SEMA3F: variants seen among roughly 807,000 people sequenced by gnomAD.
The protein encoded by SEMA3F is semaphorin-3F.
SEMA3F carries 30 observed loss-of-function variants against 98.5 expected under a neutral mutation model. The ratio of observed to expected loss-of-function variants is 0.30; its 90% confidence interval spans 0.23 to 0.41. The LOEUF (loss-of-function observed/expected upper bound fraction) is 0.41, where lower values mean the gene tolerates loss of function less well. Ranked by LOEUF, SEMA3F falls within the 10% of genes least tolerant of loss-of-function variation. The pLI, the probability that SEMA3F is intolerant of heterozygous loss-of-function variation, is 1.00. For missense variants in SEMA3F, 866 were observed against 1,119.3 expected, an observed-to-expected ratio of 0.77 and a Z score of 3.23; for synonymous variants, 380 against 444.8, an observed-to-expected ratio of 0.85 and a Z score of 1.83.
At chr3:50,184,562 C>A in intron 12 of SEMA3F, 30 bp from the exon 13 acceptor site, 1 of 1,580,818 alleles carries the variant, frequency 6.3e-7, no homozygotes, top group Non-Finnish European at 8.7e-7. Context: ...CCCAGGCAGC[C>A]TGGGACTGAC....
chr3:50,184,692 T>C lies in SEMA3F; in HGVS notation c.1334T>C (p.Val445Ala). ...AGCCACCCACTCATGTACCAGGCCG[T>C]GTACCCTCTGCAGCGGCGGCCCCTG... ...MRSHPLMYQA[V>A]YPLQRRPLVV... Residue 445 changes from valine (V) to alanine (A), a missense_variant, in exon 13 of 19, where the codon GTG (valine) becomes GCG (alanine). Around this residue, in one of 3 missense-constraint regions of SEMA3F, gnomAD observed 374 missense variants for 582.8 expected, o/e 0.64. Transcript: ENST00000002829. The C allele has an allele frequency of 6.2e-7, 1 of 1,614,106 alleles. No homozygotes were observed. Among genetic ancestry groups the C allele is most frequent in the South Asian group, 1.1e-5 (1 of 91,090 alleles).
chr3:50,176,654 G>T (rs1698822490), intron 6 of SEMA3F, 114 bp from the exon 7 acceptor site: 1 of 747,104 alleles, frequency 1.3e-6, no homozygotes, highest in Non-Finnish European at 2.4e-6. Flanking sequence ...GAGTGTAGGG[G>T]GTGGGCTCGG....
chr3:50,173,951 A>T lies in SEMA3F; in HGVS notation c.271A>T (p.Ile91Phe), dbSNP rs1232955150. 1 of 1,614,066 alleles carries T rather than the reference A, an allele frequency of 6.2e-7. No individual in the cohort carries two copies. Residue 91 changes from isoleucine (I) to phenylalanine (F), a missense_variant and splice_region_variant, in exon 3 of 19, where the codon ATT (isoleucine) becomes TTT (phenylalanine). Ile to Phe is a conservative substitution (Grantham distance 21). Around this residue, in one of 3 missense-constraint regions of SEMA3F, gnomAD observed 247 missense variants for 276.0 expected, o/e 0.89. Transcript: ENST00000002829. ...DLHDINREPL[I>F]IHWAASPQRI... ...GCACGACATCAACCGCGAGCCCCTC[A>T]TTGTAAGGGCTGGCCCTGATGTGGG...
Position 50,156,067 on chromosome 3 carries a change from C to T in SEMA3F, c.-49+503C>T, listed in dbSNP as rs890836123. ...CTCCCACATCAGCAGAGTGGGAGGA[C>T]CTCCAGTCCTGAGGCATTTCTCCCA... is the stretch of plus-strand genomic sequence containing the variant. On this transcript the variant is annotated intron_variant, in intron 1 of 18. Coordinates refer to ENST00000002829, the MANE Select transcript of SEMA3F (RefSeq NM_004186.5). The surrounding 1 kb of genome is among the most constrained non-coding windows in gnomAD (Gnocchi z 4.5). The T allele has an allele frequency of 6.6e-6, 1 of 152,226 alleles. No homozygotes were observed. Among genetic ancestry groups the T allele is most frequent in the Admixed American group, 6.5e-5 (1 of 15,276 alleles). 9.4% of individuals were successfully genotyped at this position (152,226 alleles called of 1,614,324 possible).
intron 7 of SEMA3F, among the ~76,000 whole-genome samples, chr3:50,181,334 C>CT (rs1302032516): frequency 6.7e-6 from 1 of 149,312 alleles, no homozygotes; most frequent in Non-Finnish European, 1.5e-5. Flanking sequence ...TTTGTTCCTG[C>CT]TTTTTGAGAC....
intron 2 of SEMA3F, among the ~76,000 whole-genome samples, chr3:50,172,487 AG>A (rs1698654705): frequency 6.6e-6 from 1 of 151,936 alleles, no homozygotes; most frequent in African/African-American, 2.4e-5. Flanking sequence ...CTTCATCCTT[AG>A]GAAGGACTTT....
At chr3:50,161,267 G>T (rs771161353) in intron 2 of SEMA3F, among the ~76,000 whole-genome samples, 1 of 152,162 alleles carries the variant, frequency 6.6e-6, no homozygotes, top group Non-Finnish European at 1.5e-5. Flanking sequence ...GGGGTCTTCC[G>T]TGTGCTCCTT....
chr3:50,182,343 C>T lies in SEMA3F; in HGVS notation c.703C>T (p.Arg235Cys), dbSNP rs753735514. Residue 235 changes from arginine (R) to cysteine (C), a missense_variant, in exon 8 of 19, where the codon CGC becomes TGC. By Grantham distance (180) the Arg-to-Cys change is radical (BLOSUM62 -3). Around this residue, in one of 3 missense-constraint regions of SEMA3F, gnomAD observed 374 missense variants for 582.8 expected, o/e 0.64. Coordinates refer to ENST00000002829, the MANE Select transcript of SEMA3F (RefSeq NM_004186.5). This position sits in a 1 kb window ranked among gnomAD's most constrained non-coding sequence, Gnocchi z 4.5. ...TATGGGCACTGATGCAGCCATCTTC[C>T]GCACACTTGGAAAGCAGACAGCCAT... ...DFMGTDAAIF[R>C]TLGKQTAMRT... is the part of the protein sequence containing the mutation. 8 of 1,613,924 alleles carry T rather than the reference C, an allele frequency of 5.0e-6. No homozygotes were observed. In the Admixed American group the frequency reaches 5.0e-5, roughly 10 times the overall value.
intron 2 of SEMA3F, among the ~76,000 whole-genome samples, chr3:50,173,127 A>G (rs923348071): frequency 6.6e-6 from 1 of 152,090 alleles, no homozygotes; most frequent in Non-Finnish European, 1.5e-5. Flanking sequence ...TCAGTCTGTC[A>G]GGGACTGGAG....
In SEMA3F at chr3:50,184,630, C is replaced by T. The variant is rs1002451152; in HGVS notation, c.1272C>T (p.Thr424=). Residue 424 remains threonine, a synonymous_variant, in exon 13 of 19, where the codon ACC becomes ACT. Transcript: ENST00000002829. ...GGTFTPSMKS[T]KDYPDEVINF... Reference sequence around the variant, plus strand: ...CCTTCACGCCATCTATGAAGTCCACCAAGGATTATCCTGATGAGGTGATCA... The same window carrying T: ...CCTTCACGCCATCTATGAAGTCCACTAAGGATTATCCTGATGAGGTGATCA... 3.2e-5 allele frequency: 52 copies of T among 1,613,924 alleles called. No individual in the cohort carries two copies. The highest frequency in any genetic ancestry group is 4.1e-5 in the Non-Finnish European group (48 of 1,179,986).
chr3:50,184,385 G>A (rs1009670662), intron 12 of SEMA3F: 12 of 589,646 alleles, frequency 2.0e-5, no homozygotes, highest in African/African-American at 3.7e-5. Flanking sequence ...GGCCAGGGAG[G>A]TGGCTGTGGC....
Position 50,182,597 on chromosome 3 carries a change from G to T in SEMA3F, c.764-47G>T. On this transcript the variant is annotated intron_variant, in intron 8 of 18. Coordinates refer to ENST00000002829, the MANE Select transcript of SEMA3F (RefSeq NM_004186.5). This position sits in a 1 kb window ranked among gnomAD's most constrained non-coding sequence, Gnocchi z 4.5. ...GGGATTCTGTTGGAGAACATCAGGG[G>T]CACCATCAGAGTAGGGGCTCACCCA... is the stretch of plus-strand genomic sequence containing the variant. The T allele has an allele frequency of 6.3e-7, 1 of 1,599,192 alleles. No homozygotes were observed. The highest frequency in any genetic ancestry group is 8.5e-7 in the Non-Finnish European group (1 of 1,169,704).
rs1698778534 is a variant in SEMA3F, at chr3:50,175,514, T to C, written c.549+326T>C. ...CACACACCGGTGTGGATGTGGGCCTTCCTCACTCAGCACCCAGAGTGGAAA... is the reference window on the plus strand; with the variant it reads ...CACACACCGGTGTGGATGTGGGCCTCCCTCACTCAGCACCCAGAGTGGAAA... On this transcript the variant is annotated intron_variant, in intron 6 of 18. Coordinates refer to ENST00000002829, the MANE Select transcript of SEMA3F (RefSeq NM_004186.5). 2.0e-5 allele frequency among the ~76,000 whole-genome samples: 3 copies of C among 152,242 alleles called. No individual in the cohort carries two copies. In the South Asian group the frequency reaches 6.2e-4, roughly 31 times the overall value.
intron 2 of SEMA3F, among the ~76,000 whole-genome samples, chr3:50,170,870 G>A (rs1045266714): frequency 2.6e-5 from 4 of 152,100 alleles, no homozygotes; most frequent in South Asian, 2.1e-4. Flanking sequence ...GCCATATCCC[G>A]TGGCCACTGG....
chr3:50,180,688 G>A (rs993869204), intron 7 of SEMA3F, among the ~76,000 whole-genome samples: 1 of 152,164 alleles, frequency 6.6e-6, no homozygotes, highest in Non-Finnish European at 1.5e-5. Context: ...TGAGGTTCAC[G>A]GTGCCCCGAA....
intron 3 of SEMA3F, 25 bp from the exon 4 acceptor site, chr3:50,174,027 C>T (rs760892130): frequency 4.5e-5 from 72 of 1,613,782 alleles, no homozygotes; most frequent in Non-Finnish European, 5.8e-5. Flanking sequence ...CAGAAGGCTG[C>T]ACCTTCTGAC....
chr3:50,170,264 G>T (rs772243368), intron 2 of SEMA3F, among the ~76,000 whole-genome samples: 2 of 152,068 alleles, frequency 1.3e-5, no homozygotes, highest in African/African-American at 2.4e-5. Flanking sequence ...TGGATGAATG[G>T]TTTGGGATTT....
intron 1 of SEMA3F, chr3:50,159,094 C>T (rs1575371709): frequency 6.5e-6 from 1 of 153,450 alleles, no homozygotes; most frequent in East Asian, 1.9e-4. Context: ...TGTGCCTCCC[C>T]TCTACCGTAA....
chr3:50,174,706 A>C (rs1482911631), intron 5 of SEMA3F, among the ~76,000 whole-genome samples: 1 of 152,208 alleles, frequency 6.6e-6, no homozygotes, highest in Non-Finnish European at 1.5e-5. Flanking sequence ...GCCTTGCAAT[A>C]GGAGGCTGGA....
Sources: gnomAD v4.1 joint callset for allele counts (sites outside exome capture counted in the v4.1 genomes callset) on GRCh38, gnomAD v4.1.1 for gene constraint, gnomAD v4.1.1 regional missense constraint, Gnocchi (gnomAD v3.1) non-coding constraint, MANE v1.5 for transcripts, NCBI Gene and HGNC (gene_info 2026-07-23, HGNC 2026-07-21) for gene names.